Variants in MAGI1 observed in about 807,000 individuals in gnomAD.
The protein encoded by MAGI1 is membrane-associated guanylate kinase, WW and PDZ domain-containing protein 1.
In MAGI1, 58 loss-of-function variants were observed where a neutral mutation model predicts 139.9. The observed-to-expected ratio is 0.41, with a 90% CI of 0.34 to 0.52. MAGI1 has a LOEUF of 0.52. Ranked by LOEUF, MAGI1 falls within the 20% of genes least tolerant of loss-of-function variation. The pLI, the probability that MAGI1 is intolerant of heterozygous loss-of-function variation, is 0.12. For missense variants in MAGI1, 1,874 were observed against 1,901.6 expected, an observed-to-expected ratio of 0.99 and a Z score of 0.27; for synonymous variants, 812 against 737.9, an observed-to-expected ratio of 1.10 and a Z score of -1.63.
chr3:65,790,606 T>C lies in MAGI1; in HGVS notation c.314-168518A>G, dbSNP rs192084105. Among the ~76,000 whole-genome samples, 422 of 152,316 alleles carry C rather than the reference T, an allele frequency of 2.8e-3. 4 individuals are homozygous for C. Among genetic ancestry groups the C allele is most frequent in the Non-Finnish European group, 9.1e-4 (62 of 68,032 alleles). On this transcript the variant is annotated intron_variant, in intron 1 of 22. Transcript: ENST00000402939. ...AGAGTTAGATCTTGATAAGGTAGCA[T>C]TTTATAAGTCCTCTGGAGTCAGCTG... is the stretch of plus-strand genomic sequence containing the variant.
intron 2 of MAGI1, among the ~76,000 whole-genome samples, chr3:65,590,315 C>T (rs745999509): frequency 8.5e-5 from 13 of 152,124 alleles, no homozygotes; most frequent in Non-Finnish European, 1.8e-4. Context: ...ATCTTTAACA[C>T]CCAGCATAAT....
intron 5 of MAGI1, among the ~76,000 whole-genome samples, chr3:65,465,829 A>G (rs945851302): frequency 6.6e-6 from 1 of 152,124 alleles, no homozygotes; most frequent in African/African-American, 2.4e-5. Flanking sequence ...CCCACTTTCT[A>G]TTCCCCTGGG....
At chr3:65,987,869 A>T (rs2065961944) in intron 1 of MAGI1, among the ~76,000 whole-genome samples, 1 of 152,356 alleles carries the variant, frequency 6.6e-6, no homozygotes, top group African/African-American at 2.4e-5. Context: ...GCTCCCGACT[A>T]CAGTACTTTT....
At chr3:65,721,397 A>G (rs759108507) in intron 1 of MAGI1, among the ~76,000 whole-genome samples, 1 of 152,172 alleles carries the variant, frequency 6.6e-6, no homozygotes, top group Non-Finnish European at 1.5e-5. Context: ...AAGGGGTGCT[A>G]CTGATAATTA....
chr3:65,907,226 T>C (rs1194161848), intron 1 of MAGI1, among the ~76,000 whole-genome samples: 1 of 152,242 alleles, frequency 6.6e-6, no homozygotes, highest in East Asian at 1.9e-4. Context: ...AAATATAGCA[T>C]GATGCATAGT....
intron 1 of MAGI1, among the ~76,000 whole-genome samples, chr3:65,709,602 C>G (rs1420809253): frequency 6.6e-6 from 1 of 152,210 alleles, no homozygotes. Context: ...TACGGCTTTT[C>G]TTTGCCAACA....
chr3:65,674,030 G>T (rs1275451974), intron 1 of MAGI1, among the ~76,000 whole-genome samples: 1 of 152,148 alleles, frequency 6.6e-6, no homozygotes, highest in Non-Finnish European at 1.5e-5. Flanking sequence ...CTTGGGCCCA[G>T]GGGTTCAGGA....
intron 8 of MAGI1, among the ~76,000 whole-genome samples, chr3:65,440,251 G>A (rs1158814848): frequency 6.6e-6 from 1 of 152,160 alleles, no homozygotes; most frequent in Non-Finnish European, 1.5e-5. Context: ...AAAGTCCTCA[G>A]TAAATGCCAG....
At chr3:65,587,471 A>ACTTTTTT (rs2081739411) in intron 2 of MAGI1, among the ~76,000 whole-genome samples, 1 of 140,428 alleles carries the variant, frequency 7.1e-6, no homozygotes, top group Non-Finnish European at 1.6e-5. Flanking sequence ...TTTTATTATT[A>ACTTTTTT]CTTTTTTCTT....
chr3:65,562,415 A>T (rs1576327400), intron 2 of MAGI1, among the ~76,000 whole-genome samples: 1 of 152,208 alleles, frequency 6.6e-6, no homozygotes, highest in Admixed American at 6.5e-5. Flanking sequence ...GAATTGATAA[A>T]TATAGTATTG....
intron 1 of MAGI1, among the ~76,000 whole-genome samples, chr3:65,778,188 G>C (rs1046690319): frequency 2.0e-5 from 3 of 152,112 alleles, no homozygotes; most frequent in African/African-American, 4.8e-5. Context: ...CCAGCACTTT[G>C]GGGGGCCAAG....
intron 1 of MAGI1, among the ~76,000 whole-genome samples, chr3:65,913,300 C>A (rs1296063408): frequency 6.6e-6 from 1 of 152,096 alleles, no homozygotes; most frequent in Non-Finnish European, 1.5e-5. Flanking sequence ...CACTTCCAAG[C>A]CATGAAGTTC....
intron 2 of MAGI1, among the ~76,000 whole-genome samples, chr3:65,594,003 G>A (rs1334734099): frequency 6.6e-6 from 1 of 152,110 alleles, no homozygotes. Context: ...TTACTCTCAT[G>A]CCTCAGATCT....
intron 1 of MAGI1, among the ~76,000 whole-genome samples, chr3:65,733,122 GATCTTGGCT>G (rs2034356819): frequency 6.6e-6 from 1 of 151,652 alleles, no homozygotes; most frequent in Non-Finnish European, 1.5e-5. Context: ...GCAATGGCGC[GATCTTGGCT>G]CACTGCAACC....
chr3:65,550,707 A>C (rs1478682506), intron 2 of MAGI1, among the ~76,000 whole-genome samples: 1 of 152,140 alleles, frequency 6.6e-6, no homozygotes, highest in Admixed American at 6.5e-5. Context: ...GCTCATGCTT[A>C]CAATCCCAGC....
At chr3:65,896,257 T>C (rs2060964012) in intron 1 of MAGI1, among the ~76,000 whole-genome samples, 1 of 151,328 alleles carries the variant, frequency 6.6e-6, no homozygotes, top group Non-Finnish European at 1.5e-5. Context: ...CCAGCGTATA[T>C]AATAAGTATT....
intron 16 of MAGI1, among the ~76,000 whole-genome samples, chr3:65,381,053 T>C (rs1411792096): frequency 1.3e-5 from 2 of 152,164 alleles, no homozygotes; most frequent in Non-Finnish European, 2.9e-5. Flanking sequence ...TAGAAGACAA[T>C]CACCTCTGCT....
At chr3:65,921,686 T>C (rs1222110314) in intron 1 of MAGI1, among the ~76,000 whole-genome samples, 4 of 152,130 alleles carry the variant, frequency 2.6e-5, no homozygotes. Flanking sequence ...TACCACTCTT[T>C]TAATCCATTC....
chr3:65,967,439 T>A (rs1188139082), intron 1 of MAGI1, among the ~76,000 whole-genome samples: 6 of 152,130 alleles, frequency 3.9e-5, no homozygotes, highest in Non-Finnish European at 8.8e-5. Flanking sequence ...ATGAAAGGAT[T>A]TCCCCACCCC....
Sources: gnomAD v4.1 joint callset for allele counts (sites outside exome capture counted in the v4.1 genomes callset) on GRCh38, gnomAD v4.1.1 for gene constraint, MANE v1.5 for transcripts, NCBI Gene and HGNC (gene_info 2026-07-23, HGNC 2026-07-21) for gene names.